The following IPO13 variants were observed in gnomAD, a reference collection of about 807,000 sequenced individuals.
IPO13 encodes importin 13, also known as importin-13.
A neutral mutation model predicts 115.5 loss-of-function variants in IPO13; 28 were observed. That is an observed-to-expected ratio of 0.24 (90% CI 0.18 to 0.33). The LOEUF is 0.33. Ranked by LOEUF, IPO13 falls within the 10% of genes least tolerant of loss-of-function variation. IPO13 has a pLI of 1.00. For synonymous variants in IPO13, 414 were observed against 478.9 expected (o/e 0.86, Z 1.77); for missense variants, 785 against 1,204.6 (o/e 0.65, Z 5.16).
rs995375197 is a variant in IPO13, at chr1:43,947,008, G to A, written c.-593G>A. On this transcript the variant is annotated 5_prime_UTR_variant, in exon 1 of 20. Transcript: ENST00000372343. ...GGCTGTAGCGGGGCTGTAGCCGGGC[G>A]TTGAGCACAGCGCGGGCCAGGCCGA... 10 of 398,234 alleles carry A rather than the reference G, an allele frequency of 2.5e-5. No homozygotes were observed. The highest frequency in any genetic ancestry group is 1.9e-4 in the African/African-American group (9 of 48,634). The allele number at this position is 398,234 out of a possible 1,614,324, so 24.7% of individuals were successfully genotyped here. A position where few individuals can be genotyped will look rare whatever the true frequency, so the allele number is the denominator to read the frequency against.
In IPO13 at chr1:43,949,402, T is replaced by C; in HGVS notation, c.85-15T>C. The C allele has an allele frequency of 6.3e-7, 1 of 1,582,498 alleles. No homozygotes were observed. The highest frequency in any genetic ancestry group is 8.6e-7 in the Non-Finnish European group (1 of 1,163,760). ...AGAGTGGCCAGCACCTGCTCAGTCC[T>C]GTGCTGTCCTGCAGGCGCTGCACCA... On this transcript the variant is annotated splice_polypyrimidine_tract_variant and intron_variant, in intron 1 of 19. Coordinates refer to ENST00000372343, the MANE Select transcript of IPO13 (RefSeq NM_014652.4).
In IPO13 at chr1:43,960,291, G is replaced by A. The variant is rs761597385; in HGVS notation, c.2071G>A (p.Val691Met). The change falls in exon 12 of 20, where the codon GTG becomes ATG. Residue 691 changes from valine (V) to methionine (M), a missense_variant. Val to Met is a conservative substitution (Grantham distance 21). Around this residue, in one of 3 missense-constraint regions of IPO13, gnomAD observed 285 missense variants for 394.8 expected, o/e 0.72. Coordinates refer to ENST00000372343, the MANE Select transcript of IPO13 (RefSeq NM_014652.4). ...LQQVFQLIQKVLSKWLNDAQV... is the reference protein window; with the variant it reads ...LQQVFQLIQKMLSKWLNDAQV... Reference sequence around the variant, plus strand: ...GCAGGTCTTCCAGCTTATCCAGAAGGTGCTGAGCAAATGGTTGAATGATGC... The same window carrying A: ...GCAGGTCTTCCAGCTTATCCAGAAGATGCTGAGCAAATGGTTGAATGATGC... The A allele has an allele frequency of 1.2e-6, 2 of 1,614,158 alleles. No individual in the cohort carries two copies. The highest frequency in any genetic ancestry group is 1.7e-6 in the Non-Finnish European group (2 of 1,180,024).
Position 43,949,988 on chromosome 1 carries a change from G to T in IPO13, c.656G>T (p.Arg219Leu). 1.2e-6 allele frequency: 2 copies of T among 1,612,266 alleles called. No homozygotes were observed. The highest frequency in any genetic ancestry group is 1.7e-6 in the Non-Finnish European group (2 of 1,179,642). ...CAGCCCAGCTCACCCAGCTGTGTGC[G>T]TCAGAAGGTGCTCAAGTGTTTCTCC... is the stretch of plus-strand genomic sequence containing the variant. The part of the protein sequence containing the change: ...LQQPSSPSCV[R>L]QKVLKCFSSW... The change falls in exon 2 of 20, where the codon CGT (arginine) becomes CTT (leucine). Residue 219 changes from arginine to leucine, a missense_variant. Coordinates refer to ENST00000372343, the MANE Select transcript of IPO13 (RefSeq NM_014652.4).
In IPO13 at chr1:43,956,648, C is replaced by G; in HGVS notation, c.1051C>G (p.Pro351Ala). The G allele has an allele frequency of 6.2e-7, 1 of 1,614,210 alleles. No individual in the cohort carries two copies. The highest frequency in any genetic ancestry group is 8.5e-7 in the Non-Finnish European group (1 of 1,180,022). ...CTGCACAGGCATCCCTGGCCACTAT[C>G]CTGTCAATGAGACCACCAGCTCCCT... ...MFCTGIPGHY[P>A]VNETTSSLTL... is the part of the protein sequence containing the mutation. The change falls in exon 4 of 20, where the codon CCT (proline) becomes GCT (alanine). Residue 351 changes from proline (P) to alanine (A), a missense_variant. Around this residue, in one of 3 missense-constraint regions of IPO13, gnomAD observed 325 missense variants for 449.8 expected, o/e 0.72. Transcript: ENST00000372343. The surrounding 1 kb of genome is among the most constrained non-coding windows in gnomAD (Gnocchi z 4.7).
intron 1 of IPO13, among the ~76,000 whole-genome samples, chr1:43,948,793 A>G (rs533841663): frequency 3.9e-5 from 6 of 152,364 alleles, no homozygotes; most frequent in African/African-American, 1.4e-4. Flanking sequence ...GGTGTTTGCC[A>G]GGGCTGCAGC....
In IPO13 at chr1:43,956,458, C is replaced by T. The variant is rs754766963; in HGVS notation, c.960C>T (p.Ser320=). The change falls in exon 3 of 20, where the codon TCC becomes TCT. Residue 320 remains serine (S), a splice_region_variant and synonymous_variant. Coordinates refer to ENST00000372343, the MANE Select transcript of IPO13 (RefSeq NM_014652.4). The surrounding 1 kb of genome is among the most constrained non-coding windows in gnomAD (Gnocchi z 4.7). ...RIAVALGENH[S]RALLDQVEHW... is the part of the protein sequence containing the mutation. ...CTGTGGCCCTGGGCGAGAACCACTC[C>T]CGGTAAAGGGTGGAGCAGCTTGGGG... 1.1e-5 allele frequency: 18 copies of T among 1,614,038 alleles called. No individual in the cohort carries two copies. In the African/African-American group the frequency reaches 2.0e-4, roughly 18 times the overall value.
Position 43,966,204 on chromosome 1 carries a change from C to T in IPO13, c.2398-371C>T. Reference sequence around the variant, plus strand: ...CTACCCTGTTCACAAACTGGGGGTGCTTAACTCCCTCTGTGAATCAACATG... The same window carrying T: ...CTACCCTGTTCACAAACTGGGGGTGTTTAACTCCCTCTGTGAATCAACATG... On this transcript the variant is annotated intron_variant, in intron 15 of 19. Transcript: ENST00000372343. This position sits in a 1 kb window ranked among gnomAD's most constrained non-coding sequence, Gnocchi z 4.1. The T allele has an allele frequency of 5.5e-6, 2 of 364,830 alleles. No individual in the cohort carries two copies. The highest frequency in any genetic ancestry group is 1.1e-5 in the Non-Finnish European group (2 of 190,296). 22.6% of individuals were successfully genotyped at this position (364,830 alleles called of 1,614,324 possible). A position where few individuals can be genotyped will look rare whatever the true frequency, so the allele number is the denominator to read the frequency against.
At chr1:43,957,672 G>C in intron 7 of IPO13, 123 bp downstream of exon 7, 1 of 1,224,360 alleles carries the variant, frequency 8.2e-7, no homozygotes, top group Non-Finnish European at 1.2e-6. Flanking sequence ...AATCAGTGTT[G>C]TAACAAACTG....
intron 14 of IPO13, among the ~76,000 whole-genome samples, chr1:43,963,028 C>T (rs1332192936): frequency 1.3e-5 from 2 of 152,222 alleles, no homozygotes; most frequent in Non-Finnish European, 2.9e-5. Flanking sequence ...GAATATCAAA[C>T]CTGCATGGTG....
chr1:43,950,249 G>A (rs1316551672), intron 2 of IPO13, 96 bp downstream of exon 2: 2 of 1,381,892 alleles, frequency 1.4e-6, no homozygotes, highest in Admixed American at 4.6e-5. Context: ...AATGTGTACT[G>A]ATACCTGGTC....
Position 43,958,403 on chromosome 1 carries a change from C to T in IPO13, c.1750-58C>T. ...TTTCTTCTCCCAAGAGGCTCATTTT[C>T]CTTCCTACCCCACAACTAGATGTGG... On this transcript the variant is annotated intron_variant, in intron 9 of 19. Coordinates refer to ENST00000372343, the MANE Select transcript of IPO13 (RefSeq NM_014652.4). The surrounding 1 kb of genome is among the most constrained non-coding windows in gnomAD (Gnocchi z 6.3). The T allele has an allele frequency of 6.2e-7, 1 of 1,612,002 alleles. No individual in the cohort carries two copies. Among genetic ancestry groups the T allele is most frequent in the Non-Finnish European group, 8.5e-7 (1 of 1,178,974 alleles).
rs1413393710 is a variant in IPO13 at position 43,954,439 on chromosome 1, C to T, written c.822-1881C>T. 2.0e-5 allele frequency among the ~76,000 whole-genome samples: 3 copies of T among 152,304 alleles called. No individual in the cohort carries two copies. The East Asian group carries it at 5.8e-4, about 29-fold the overall frequency. On this transcript the variant is annotated intron_variant, in intron 2 of 19. Coordinates refer to ENST00000372343, the MANE Select transcript of IPO13 (RefSeq NM_014652.4). ...TCATCCTCCCACCAAGGATATGAGG[C>T]TACTGCCTAGCAACCTGCTTGGGGC...
Position 43,947,578 on chromosome 1 carries a change from T to A in IPO13, c.-23T>A. ...GGCAGGAGACAGATCAGGGCCCACC[T>A]CCCTGCCAGGGAGGGAGCAAAGATG... On this transcript the variant is annotated 5_prime_UTR_variant, in exon 1 of 20. Coordinates refer to ENST00000372343, the MANE Select transcript of IPO13 (RefSeq NM_014652.4). The A allele has an allele frequency of 7.9e-7, 1 of 1,271,962 alleles. No homozygotes were observed. The highest frequency in any genetic ancestry group is 1.0e-6 in the Non-Finnish European group (1 of 993,268). 78.8% of individuals were successfully genotyped at this position (1,271,962 alleles called of 1,614,324 possible).
rs36054055 is a variant in IPO13, at chr1:43,958,932, T to TC, written c.2028+49dup. On this transcript the variant is annotated intron_variant, in intron 11 of 19. Transcript: ENST00000372343. This position sits in a 1 kb window ranked among gnomAD's most constrained non-coding sequence, Gnocchi z 6.3. ...ACGGCAAAGACATTTGTCTTTGCCA[T>TC]CCCCCCAACCCCCACCTGTGGGAAT... 1.3e-6 allele frequency: 2 copies of TC among 1,587,414 alleles called. No individual in the cohort carries two copies. Among genetic ancestry groups the TC allele is most frequent in the Non-Finnish European group, 1.7e-6 (2 of 1,157,570 alleles).
rs528236397 is a variant in IPO13, at chr1:43,952,754, G to A, written c.821+2601G>A. ...ATTGGGTTGATTTTAAAAAATAAAAGATTGTTTCGGTATGAGGATTAAATA... is the reference window on the plus strand; with the variant it reads ...ATTGGGTTGATTTTAAAAAATAAAAAATTGTTTCGGTATGAGGATTAAATA... On this transcript the variant is annotated intron_variant, in intron 2 of 19. Transcript: ENST00000372343. This position sits in a 1 kb window ranked among gnomAD's most constrained non-coding sequence, Gnocchi z 4.7. 6.6e-6 allele frequency among the ~76,000 whole-genome samples: 1 copy of A among 152,310 alleles called. No individual in the cohort carries two copies. Among genetic ancestry groups the A allele is most frequent in the Admixed American group, 6.5e-5 (1 of 15,304 alleles).
chr1:43,956,967 G>A lies in IPO13; in HGVS notation c.1262G>A (p.Arg421Gln), dbSNP rs2085255189. The change falls in exon 5 of 20, where the codon CGA becomes CAA. Residue 421 changes from arginine to glutamine, a missense_variant. Transcript: ENST00000372343. This position sits in a 1 kb window ranked among gnomAD's most constrained non-coding sequence, Gnocchi z 4.7. Reference protein sequence around the residue: ...FWSSDEKEQFRIYRVDISDTL... With the variant: ...FWSSDEKEQFQIYRVDISDTL... ...TCCTCAGACGAGAAGGAGCAGTTCC[G>A]AATTTACAGGTGATGGTAGCAGGCC... is the stretch of plus-strand genomic sequence containing the variant. 1 of 1,614,028 alleles carries A rather than the reference G, an allele frequency of 6.2e-7. No individual in the cohort carries two copies. Among genetic ancestry groups the A allele is most frequent in the Non-Finnish European group, 8.5e-7 (1 of 1,179,960 alleles).
At position 43,947,527 on chromosome 1, in the gene IPO13, C is replaced by A; in HGVS notation, c.-74C>A. 1.1e-6 allele frequency: 1 copy of A among 892,572 alleles called. No individual in the cohort carries two copies. The highest frequency in any genetic ancestry group is 1.5e-6 in the Non-Finnish European group (1 of 669,456). 55.3% of individuals were successfully genotyped at this position (892,572 alleles called of 1,614,324 possible). On this transcript the variant is annotated 5_prime_UTR_variant, in exon 1 of 20. Transcript: ENST00000372343. ...CCTGGGCACCCAAGCCGGGGTCTAG[C>A]AGGGGGCCAGCAGCCAAGGGGCTGG...
At chr1:43,960,763 CAGGCAAGGCTTAT>C in intron 12 of IPO13, 100 bp from the exon 13 acceptor site, 2 of 1,376,206 alleles carry the variant, frequency 1.5e-6, no homozygotes. Context: ...TTTGCAGGGC[CAGGCAAGGCTTAT>C]AGGTAAGGGC....
chr1:43,964,357 C>CTCTCTT, intron 15 of IPO13, 36 bp downstream of exon 15: 1 of 1,465,072 alleles, frequency 6.8e-7, no homozygotes, highest in Admixed American at 1.9e-5. Flanking sequence ...GTTCTGTTCT[C>CTCTCTT]TCTCTTTCTC....
Sources: allele counts gnomAD v4.1 joint callset (sites outside exome capture counted in the v4.1 genomes callset), GRCh38; gene constraint gnomAD v4.1.1; regional missense constraint gnomAD v4.1.1; non-coding constraint Gnocchi (gnomAD v3.1); transcripts MANE v1.5; gene names NCBI Gene and HGNC (gene_info 2026-07-23, HGNC 2026-07-21).